The following CELF5 variants were observed in gnomAD, a reference collection of about 807,000 sequenced individuals.
CELF5 encodes CUG-BP and ETR-3 like factor 5.
CELF5 carries 6 observed loss-of-function variants against 54.9 expected under a neutral mutation model. The observed-to-expected ratio is 0.11, with a 90% CI of 0.06 to 0.22. The LOEUF (loss-of-function observed/expected upper bound fraction) is 0.22, where lower values mean the gene tolerates loss of function less well. Among genes scored for constraint, CELF5 ranks in the 10% least tolerant of loss-of-function variants. The pLI is 1.00. For synonymous variants in CELF5, 271 were observed against 290.9 expected, an observed-to-expected ratio of 0.93 and a Z score of 0.70; for missense variants, 401 against 678.6, an observed-to-expected ratio of 0.59 and a Z score of 4.54.
intron 1 of CELF5, among the ~76,000 whole-genome samples, chr19:3,231,484 GGA>G (rs1331710902): frequency 8.7e-5 from 13 of 149,130 alleles, no homozygotes; most frequent in East Asian, 1.9e-4. Flanking sequence ...ATGGATGGAT[GGA>G]TGGATGGGTG....
rs1261705237 is a variant in CELF5, at chr19:3,282,017, A to C, written c.751-109A>C. On this transcript the variant is annotated intron_variant, in intron 6 of 12. Transcript: ENST00000292672. The surrounding 1 kb of genome is among the most constrained non-coding windows in gnomAD (Gnocchi z 5.2). ...CCAATTCTGATCTCAGCCTGAGCCA[A>C]GATACCCAGCCTGACCTCCTCACTA... The C allele has an allele frequency of 1.6e-6, 2 of 1,250,246 alleles. No homozygotes were observed. Among genetic ancestry groups the C allele is most frequent in the East Asian group, 4.7e-5 (2 of 42,836 alleles). 77.4% of individuals were successfully genotyped at this position (1,250,246 alleles called of 1,614,324 possible).
At chr19:3,234,544 C>A (rs566758996) in intron 1 of CELF5, among the ~76,000 whole-genome samples, 1 of 152,114 alleles carries the variant, frequency 6.6e-6, no homozygotes, top group South Asian at 2.1e-4. Flanking sequence ...CCCACAGCGC[C>A]CAGGGTGACA....
At position 3,237,358 on chromosome 19, in the gene CELF5, A is replaced by G. The variant is rs1917663794; in HGVS notation, c.259+12360A>G. Among the ~76,000 whole-genome samples the G allele has an allele frequency of 2.0e-5, 3 of 150,088 alleles. No homozygotes were observed. In the Admixed American group the frequency reaches 2.0e-4, roughly 10 times the overall value. On this transcript the variant is annotated intron_variant, in intron 1 of 12. Coordinates refer to ENST00000292672, the MANE Select transcript of CELF5 (RefSeq NM_021938.4). ...AAAAGGAAAGTAATAAAGAATAGCT[A>G]CTGCATAGAGCAGCCGCCTGGGCTG...
intron 1 of CELF5, among the ~76,000 whole-genome samples, chr19:3,225,967 C>T (rs1916885347): frequency 6.6e-6 from 1 of 152,166 alleles, no homozygotes. Context: ...CTGGATTCTC[C>T]CTCCGATGGC....
chr19:3,265,868 G>A (rs539141718), intron 2 of CELF5, among the ~76,000 whole-genome samples: 9 of 151,760 alleles, frequency 5.9e-5, no homozygotes, highest in Non-Finnish European at 1.0e-4. Flanking sequence ...GTGTGATGGC[G>A]TGATCTCAGC....
intron 2 of CELF5, among the ~76,000 whole-genome samples, chr19:3,271,332 T>C (rs1481614570): frequency 6.6e-6 from 1 of 150,994 alleles, no homozygotes; most frequent in African/African-American, 2.4e-5. Context: ...GCCTCCAGCC[T>C]AGCAGGGTGT....
Position 3,281,015 on chromosome 19 carries a change from T to G in CELF5, c.604-184T>G, listed in dbSNP as rs916039753. On this transcript the variant is annotated intron_variant, in intron 5 of 12. Transcript: ENST00000292672. This position sits in a 1 kb window ranked among gnomAD's most constrained non-coding sequence, Gnocchi z 6.5. ...TGTGCAGATGCTGCTGGGCCCAGGA[T>G]GCTGATCTCCACGCGGTCCTCGCTG... Among the ~76,000 whole-genome samples the G allele has an allele frequency of 1.3e-5, 2 of 152,152 alleles. No homozygotes were observed. Among genetic ancestry groups the G allele is most frequent in the Non-Finnish European group, 2.9e-5 (2 of 68,004 alleles).
Position 3,224,705 on chromosome 19 carries a change from G to GCCGC in CELF5, c.-33_-30dup. 1 of 970,314 alleles carries GCCGC rather than the reference G, an allele frequency of 1.0e-6. No homozygotes were observed. The highest frequency in any genetic ancestry group is 1.2e-6 in the Non-Finnish European group (1 of 810,792). The allele number at this position is 970,314 out of a possible 1,614,324, so 60.1% of individuals were successfully genotyped here. A position where few individuals can be genotyped will look rare whatever the true frequency, so the allele number is the denominator to read the frequency against. On this transcript the variant is annotated 5_prime_UTR_variant, in exon 1 of 13. Coordinates refer to ENST00000292672, the MANE Select transcript of CELF5 (RefSeq NM_021938.4). Reference sequence around the variant, plus strand: ...CCAGCTGCGAGTCCGCCCGCCGCCCGCCGCCGCCGCCGCCGGCTCGGTCCC... The same window carrying GCCGC: ...CCAGCTGCGAGTCCGCCCGCCGCCCGCCGCCCGCCGCCGCCGCCGGCTCGGTCCC...
At chr19:3,283,056 C>T (rs534399401) in intron 8 of CELF5, among the ~76,000 whole-genome samples, 21 of 152,250 alleles carry the variant, frequency 1.4e-4, no homozygotes, top group African/African-American at 5.1e-4. Flanking sequence ...GTCTCGAACT[C>T]CTGACCTCAG....
At chr19:3,252,571 G>T (rs1001706784) in intron 2 of CELF5, among the ~76,000 whole-genome samples, 2 of 152,150 alleles carry the variant, frequency 1.3e-5, no homozygotes, top group Non-Finnish European at 2.9e-5. Context: ...GGACATCAGG[G>T]CATTCGTAGC....
chr19:3,271,228 G>C (rs938573954), intron 2 of CELF5, among the ~76,000 whole-genome samples: 1 of 138,256 alleles, frequency 7.2e-6, no homozygotes, highest in Non-Finnish European at 1.6e-5. Context: ...TGGAGCTCCT[G>C]CAGGTGCCCC....
intron 2 of CELF5, among the ~76,000 whole-genome samples, chr19:3,272,230 G>T (rs563056157): frequency 2.0e-5 from 3 of 152,158 alleles, no homozygotes; most frequent in South Asian, 4.2e-4. Flanking sequence ...TTAGCTGGGC[G>T]TATTGGTGCG....
intron 2 of CELF5, among the ~76,000 whole-genome samples, chr19:3,273,614 A>T (rs1310990470): frequency 6.6e-6 from 1 of 152,218 alleles, no homozygotes. Context: ...AATTGGGCCT[A>T]TCACATTTGG....
chr19:3,282,495 C>T lies in CELF5; in HGVS notation c.1036C>T (p.Pro346Ser), dbSNP rs2080170343. The stretch of plus-strand genomic sequence containing the variant: ...CTATGCCAATGGCCTTGTGCCCTAC[C>T]CAGGTAAATTGGGGTCGTCCTCTGG... ...TVYANGLVPY[P>S]AQSPTVAETL... The change falls in exon 8 of 13, where the codon CCA becomes TCA. Residue 346 changes from proline (P) to serine (S), a missense_variant. Transcript: ENST00000292672. The surrounding 1 kb of genome is among the most constrained non-coding windows in gnomAD (Gnocchi z 5.2). The T allele has an allele frequency of 1.2e-6, 2 of 1,611,244 alleles. No homozygotes were observed. Among genetic ancestry groups the T allele is most frequent in the Non-Finnish European group, 1.7e-6 (2 of 1,178,948 alleles).
rs1436018756 is a variant in CELF5, at chr19:3,282,093, A to ATG, written c.751-32_751-31insGT. 1.9e-6 allele frequency: 3 copies of ATG among 1,613,280 alleles called. No individual in the cohort carries two copies. The South Asian group carries it at 3.3e-5, about 18-fold the overall frequency. The stretch of plus-strand genomic sequence containing the variant: ...CATAAGCCATGATCTCAGGGCAGAT[A>ATG]TCACCCCAACTGTGACATGTCTTCA... On this transcript the variant is annotated intron_variant, in intron 6 of 12. Transcript: ENST00000292672. This position sits in a 1 kb window ranked among gnomAD's most constrained non-coding sequence, Gnocchi z 5.2.
intron 2 of CELF5, among the ~76,000 whole-genome samples, chr19:3,260,282 A>C (rs552621676): frequency 6.6e-6 from 1 of 151,364 alleles, no homozygotes; most frequent in African/African-American, 2.4e-5. Context: ...ACGCCCAGCT[A>C]ATTTTTGTGT....
chr19:3,286,230 A>G, intron 10 of CELF5: 1 of 503,784 alleles, frequency 2.0e-6, no homozygotes, highest in Non-Finnish European at 3.5e-6. Context: ...AAAGAGAACC[A>G]TGCTCGCCCC....
intron 2 of CELF5, among the ~76,000 whole-genome samples, chr19:3,271,593 C>A (rs1035532959): frequency 6.6e-6 from 1 of 151,962 alleles, no homozygotes; most frequent in African/African-American, 2.4e-5. Flanking sequence ...CATATGTGCC[C>A]GGGACATACA....
rs1917042353 is a variant in CELF5 at position 3,228,305 on chromosome 19, C to T, written c.259+3307C>T. On this transcript the variant is annotated intron_variant, in intron 1 of 12. Coordinates refer to ENST00000292672, the MANE Select transcript of CELF5 (RefSeq NM_021938.4). This position sits in a 1 kb window ranked among gnomAD's most constrained non-coding sequence, Gnocchi z 6.0. ...GCATCCAGAGAGCGGGGACCTCCCCCAGGAAGGACCCCCACCCCAGGCCAG... is the reference window on the plus strand; with the variant it reads ...GCATCCAGAGAGCGGGGACCTCCCCTAGGAAGGACCCCCACCCCAGGCCAG... Among the ~76,000 whole-genome samples, 1 of 152,166 alleles carries T rather than the reference C, an allele frequency of 6.6e-6. No homozygotes were observed. The highest frequency in any genetic ancestry group is 2.4e-5 in the African/African-American group (1 of 41,440).
Sources: gnomAD v4.1 joint callset for allele counts (sites outside exome capture counted in the v4.1 genomes callset) on GRCh38, gnomAD v4.1.1 for gene constraint, Gnocchi (gnomAD v3.1) non-coding constraint, MANE v1.5 for transcripts, NCBI Gene and HGNC (gene_info 2026-07-23, HGNC 2026-07-21) for gene names.